The following GLMN variants were observed in gnomAD, a reference collection of about 807,000 sequenced individuals.
The protein encoded by GLMN is glomulin.
GLMN carries 75 observed loss-of-function variants against 87.8 expected under a neutral mutation model. The ratio of observed to expected loss-of-function variants is 0.85; its 90% CI spans 0.71 to 1.04. GLMN has a LOEUF of 1.04. Ranked by LOEUF, GLMN falls within the 50% of genes least tolerant of loss-of-function variation. The pLI is 0.00. For missense variants in GLMN, 588 were observed against 658.8 expected (o/e 0.89, Z 1.18); for synonymous variants, 206 against 221.6 (o/e 0.93, Z 0.63).
At chr1:92,342,242 G>A in the GLMN span, among the ~76,000 whole-genome samples, 1 of 152,212 alleles carries the variant, frequency 6.6e-6, no homozygotes, top group Admixed American at 6.5e-5. Flanking sequence ...GACCCGAAAG[G>A]AGGTAAGGGA....
intron 3 of GLMN, among the ~76,000 whole-genome samples, chr1:92,296,795 C>T (rs562528571): frequency 7.9e-5 from 12 of 152,178 alleles, no homozygotes; most frequent in Non-Finnish European, 1.2e-4. Flanking sequence ...AATGACATAT[C>T]GTTTTCCTCC....
chr1:92,264,997 G>A (rs58142139), intron 13 of GLMN, among the ~76,000 whole-genome samples: 8,054 of 151,992 alleles, frequency 0.053, 570 homozygotes, highest in African/African-American at 0.17. Context: ...GCCCGCCACC[G>A]TGCCTGGCTA....
chr1:92,284,661 A>AGTATCAT (rs1324253424), intron 7 of GLMN, among the ~76,000 whole-genome samples: 2 of 152,248 alleles, frequency 1.3e-5, no homozygotes, highest in African/African-American at 4.8e-5. Context: ...AGCAAAAGAA[A>AGTATCAT]GTATCATCAG....
chr1:92,265,977 G>A (rs1655590991), intron 13 of GLMN, among the ~76,000 whole-genome samples: 1 of 152,134 alleles, frequency 6.6e-6, no homozygotes, highest in African/African-American at 2.4e-5. Context: ...TTAGAGAGTT[G>A]CTAGAATCTT....
Position 92,246,617 on chromosome 1 carries a change from A to C in GLMN, c.1698T>G (p.Asp566Glu), listed in dbSNP as rs138005763. ...KVLHSALFTF[D>E]LIESVLARVE... Reference sequence around the variant, plus strand: ...CTCGAGCTAGAACACTTTCAATCAAATCAAATGTGAAAAGAGCTGAATGCA... The same window carrying C: ...CTCGAGCTAGAACACTTTCAATCAACTCAAATGTGAAAAGAGCTGAATGCA... Residue 566 changes from aspartate (D) to glutamate (E), a missense_variant, in exon 19 of 19, where the codon GAT (aspartate) becomes GAG (glutamate). Physicochemically the swap from Asp to Glu is conservative, Grantham distance 45. Coordinates refer to ENST00000370360, the MANE Select transcript of GLMN (RefSeq NM_053274.3). 1.9e-6 allele frequency: 3 copies of C among 1,593,852 alleles called. No individual in the cohort carries two copies. Among genetic ancestry groups the C allele is most frequent in the Middle Eastern group, 1.7e-4 (1 of 6,020 alleles).
At chr1:92,370,139 C>T in the GLMN span, among the ~76,000 whole-genome samples, 4 of 152,350 alleles carry the variant, frequency 2.6e-5, no homozygotes, top group East Asian at 7.7e-4. Flanking sequence ...CCCGCATCAG[C>T]CTCCCAAAGT....
intron 16 of GLMN, 52 bp from the exon 17 acceptor site, chr1:92,248,041 A>G (rs1250560063): frequency 2.5e-6 from 2 of 803,950 alleles, no homozygotes; most frequent in Admixed American, 1.7e-5. Context: ...TTGATTGCCT[A>G]CTATTAAACG....
At chr1:92,306,639 A>G in the GLMN span, among the ~76,000 whole-genome samples, 1 of 151,984 alleles carries the variant, frequency 6.6e-6, no homozygotes, top group Admixed American at 6.6e-5. Flanking sequence ...GGGAGAGAAG[A>G]TAGAGACCAG....
intron 16 of GLMN, among the ~76,000 whole-genome samples, chr1:92,259,726 TTC>T (rs1056618150): frequency 8.0e-6 from 1 of 125,396 alleles, no homozygotes; most frequent in Non-Finnish European, 1.6e-5. Flanking sequence ...TTTCTTTTTT[TTC>T]TTTCTTTTTT....
the GLMN span, chr1:92,303,996 C>G: frequency 6.2e-7 from 1 of 1,610,584 alleles, no homozygotes. Context: ...ATTACACCTG[C>G]TCACTACAGT....
chr1:92,332,904 T>C, the GLMN span, among the ~76,000 whole-genome samples: 1 of 152,170 alleles, frequency 6.6e-6, no homozygotes, highest in Non-Finnish European at 1.5e-5. Context: ...TGCTAACAAA[T>C]GTGTTTCAAA....
intron 3 of GLMN, among the ~76,000 whole-genome samples, chr1:92,293,132 G>A (rs1242594276): frequency 1.3e-5 from 2 of 151,940 alleles, no homozygotes; most frequent in Non-Finnish European, 2.9e-5. Flanking sequence ...CTAATAATCC[G>A]ATTAAAAAAT....
chr1:92,360,000 T>G, the GLMN span, among the ~76,000 whole-genome samples: 1 of 36,992 alleles, frequency 2.7e-5, no homozygotes, highest in Admixed American at 2.9e-4. Context: ...TTCAGTCTGG[T>G]AATTTGGTAG....
intron 16 of GLMN, among the ~76,000 whole-genome samples, chr1:92,257,670 G>A (rs1358746057): frequency 6.6e-6 from 1 of 152,172 alleles, no homozygotes; most frequent in East Asian, 1.9e-4. Context: ...TTAATAAATG[G>A]TGCTGGGAAA....
In GLMN at chr1:92,278,557, A is replaced by C. The variant is rs562295668; in HGVS notation, c.736-6905T>G. Among the ~76,000 whole-genome samples the C allele has an allele frequency of 5.3e-5, 8 of 152,236 alleles. No homozygotes were observed. In the South Asian group the frequency reaches 1.7e-3, roughly 32 times the overall value. On this transcript the variant is annotated intron_variant, in intron 7 of 18. Coordinates refer to ENST00000370360, the MANE Select transcript of GLMN (RefSeq NM_053274.3). ...AATTAAAATTGGCTCTCATCTGAAA[A>C]CAGCTGCTTTCTCTGCAACCCTTCA... is the stretch of plus-strand genomic sequence containing the variant.
the GLMN span, chr1:92,320,563 C>T: frequency 4.4e-6 from 7 of 1,602,226 alleles, no homozygotes; most frequent in Non-Finnish European, 6.0e-6. Flanking sequence ...AGCCACCGCA[C>T]CCGGCCTAAT....
chr1:92,269,350 G>T (rs1311544714), intron 9 of GLMN, among the ~76,000 whole-genome samples: 1 of 152,136 alleles, frequency 6.6e-6, no homozygotes, highest in African/African-American at 2.4e-5. Context: ...CACAGACTGT[G>T]TCCATGAAGG....
At chr1:92,277,156 G>A (rs1204846604) in intron 7 of GLMN, among the ~76,000 whole-genome samples, 1 of 151,982 alleles carries the variant, frequency 6.6e-6, no homozygotes, top group African/African-American at 2.4e-5. Context: ...CTAACAGAAT[G>A]TGTCATAAAT....
At chr1:92,358,776 A>AG in the GLMN span, among the ~76,000 whole-genome samples, 2 of 152,096 alleles carry the variant, frequency 1.3e-5, no homozygotes, top group African/African-American at 2.4e-5. Context: ...TTGTAGAGAT[A>AG]GGGGTCTCAC....
Sources: allele counts gnomAD v4.1 joint callset (sites outside exome capture counted in the v4.1 genomes callset), GRCh38; gene constraint gnomAD v4.1.1; transcripts MANE v1.5; gene names NCBI Gene and HGNC (gene_info 2026-07-23, HGNC 2026-07-21).